TRAPPC14: variants seen among roughly 807,000 people sequenced by gnomAD.
TRAPPC14 encodes the protein trafficking protein particle complex subunit 14, also known as microtubule associated protein 11.
TRAPPC14 carries 24 observed loss-of-function variants against 56.6 expected under a neutral mutation model. That is an observed-to-expected ratio of 0.42 (90% CI 0.31 to 0.60). The LOEUF (loss-of-function observed/expected upper bound fraction) is 0.60, where lower values mean the gene tolerates loss of function less well. Among genes scored for constraint, TRAPPC14 ranks in the 20% least tolerant of loss-of-function variants. TRAPPC14 has a pLI of 0.14. For synonymous variants in TRAPPC14, 377 were observed against 347.0 expected, an observed-to-expected ratio of 1.09 and a Z score of -0.96; for missense variants, 615 against 790.3, an observed-to-expected ratio of 0.78 and a Z score of 2.66.
chr7:100,156,135 A>G (rs1002225274), intron 8 of TRAPPC14: 2 of 617,664 alleles, frequency 3.2e-6, no homozygotes, highest in Non-Finnish European at 5.8e-6. Context: ...GGAGAGAAGT[A>G]GAGTTCACAC....
chr7:100,155,755 G>C lies in TRAPPC14; in HGVS notation c.1311C>G (p.Pro437=). The C allele has an allele frequency of 6.2e-7, 1 of 1,614,210 alleles. No homozygotes were observed. Among genetic ancestry groups the C allele is most frequent in the South Asian group, 1.1e-5 (1 of 91,090 alleles). ...TCCGGGAAAAGCCAAGGTTGTTGAG[G>C]GGCGTGTGGCAGACGACGGAGTCCA... ...AALDSVVCHT[P]LNNLGFSRKG... is the part of the protein sequence containing the mutation. The change falls in exon 9 of 11, where the codon CCC becomes CCG. Residue 437 remains proline, a synonymous_variant. Coordinates refer to ENST00000316937, the MANE Select transcript of TRAPPC14 (RefSeq NM_018275.5).
Position 100,157,730 on chromosome 7 carries a change from C to T in TRAPPC14, c.540G>A (p.Glu180=). Residue 180 remains glutamate (E), a synonymous_variant, in exon 3 of 11, where the codon GAG becomes GAA. Transcript: ENST00000316937. ...AGCCTTGATCTCTGACCTCTGGTGC[C>T]TCAATCTCCCGCTTCCACACAGTCA... ...IVVTVWKREI[E]APEVRDQGYL... The T allele has an allele frequency of 2.5e-6, 4 of 1,614,242 alleles. No homozygotes were observed. Among genetic ancestry groups the T allele is most frequent in the Non-Finnish European group, 3.4e-6 (4 of 1,180,044 alleles).
Position 100,156,493 on chromosome 7 carries a change from G to A in TRAPPC14, c.1133C>T (p.Ser378Phe), listed in dbSNP as rs775442634. 6.2e-7 allele frequency: 1 copy of A among 1,614,166 alleles called. No individual in the cohort carries two copies. Among genetic ancestry groups the A allele is most frequent in the African/African-American group, 1.3e-5 (1 of 75,038 alleles). Residue 378 changes from serine (S) to phenylalanine (F), a missense_variant, in exon 8 of 11, where the codon TCC (serine) becomes TTC (phenylalanine). Physicochemically the swap from Ser to Phe is radical, Grantham distance 155 (BLOSUM62 -2). Transcript: ENST00000316937. Reference sequence around the variant, plus strand: ...GAAACGCTCGTAGGTCCGAACAGGGGACTTACAAGAAGCGGTCATCACAAA... The same window carrying A: ...GAAACGCTCGTAGGTCCGAACAGGGAACTTACAAGAAGCGGTCATCACAAA... ...PCFVMTASCK[S>F]PVRTYERFTV...
Position 100,155,034 on chromosome 7 carries a change from G to A in TRAPPC14, c.1720C>T (p.Leu574=). Residue 574 remains leucine (L), a synonymous_variant, in exon 11 of 11, where the codon CTG becomes TTG. Transcript: ENST00000316937. ...DKIAKRECKV[L]VVEPVK is the part of the protein sequence containing the mutation. Reference sequence around the variant, plus strand: ...TGCTACTTGACGGGTTCCACCACCAGGACCTTGCACTCGCGCTTGGCAATC... The same window carrying A: ...TGCTACTTGACGGGTTCCACCACCAAGACCTTGCACTCGCGCTTGGCAATC... The A allele has an allele frequency of 6.2e-7, 1 of 1,614,152 alleles. No homozygotes were observed. The highest frequency in any genetic ancestry group is 1.1e-5 in the South Asian group (1 of 91,084).
rs773309693 is a variant in TRAPPC14, at chr7:100,155,701, G to C, written c.1365C>G (p.Ala455=). Residue 455 remains alanine (A), a synonymous_variant, in exon 9 of 11, where the codon GCC becomes GCG. Transcript: ENST00000316937. ...RKGSALTFSV[A]FQALRTGLFE... ...AGAGCCCCGTCCTCAGAGCCTGGAA[G>C]GCCACACTGAAGGTGAGCGCGCTGC... 14 of 1,612,214 alleles carry C rather than the reference G, an allele frequency of 8.7e-6. No homozygotes were observed. The South Asian group carries it at 1.2e-4, about 14-fold the overall frequency.
At chr7:100,155,212 G>C (rs752787092) in intron 10 of TRAPPC14, 48 bp from the exon 11 acceptor site, 3 of 1,604,000 alleles carry the variant, frequency 1.9e-6, no homozygotes, top group Non-Finnish European at 2.6e-6. Context: ...CGGCACCCTC[G>C]CTGCTCCCAT....
intron 5 of TRAPPC14, 24 bp downstream of exon 5, chr7:100,157,070 G>C (rs753827036): frequency 6.2e-7 from 1 of 1,613,962 alleles, no homozygotes; most frequent in Admixed American, 1.7e-5. Flanking sequence ...CCACTTCACA[G>C]CCTCGCCCCT....
intron 3 of TRAPPC14, 80 bp downstream of exon 3, chr7:100,157,553 G>A (rs1798909309): frequency 6.2e-7 from 1 of 1,605,826 alleles, no homozygotes; most frequent in African/African-American, 1.3e-5. Context: ...GAGCCCATTA[G>A]CCACTTTCCA....
In TRAPPC14 at chr7:100,156,772, G is replaced by A; in HGVS notation, c.994-56C>T. The A allele has an allele frequency of 1.2e-6, 2 of 1,601,148 alleles. 1 individual carries two copies. The highest frequency in any genetic ancestry group is 1.7e-6 in the Non-Finnish European group (2 of 1,171,934). Reference sequence around the variant, plus strand: ...GTATTAAGAGTGCCCCTCCCATCTTGAGTCAGCTGCCTGGTCTTTCCCTCC... The same window carrying A: ...GTATTAAGAGTGCCCCTCCCATCTTAAGTCAGCTGCCTGGTCTTTCCCTCC... On this transcript the variant is annotated intron_variant, in intron 6 of 10. Coordinates refer to ENST00000316937, the MANE Select transcript of TRAPPC14 (RefSeq NM_018275.5).
chr7:100,155,582 A>G (rs1293960372), intron 9 of TRAPPC14, 89 bp downstream of exon 9: 1 of 1,512,356 alleles, frequency 6.6e-7, no homozygotes, highest in African/African-American at 1.4e-5. Flanking sequence ...CCAGCTTTTT[A>G]TTTCATCCCC....
chr7:100,157,372 C>G lies in TRAPPC14; in HGVS notation c.724+1G>C, dbSNP rs1171539063. 6 of 1,613,986 alleles carry G rather than the reference C, an allele frequency of 3.7e-6. No homozygotes were observed. Among genetic ancestry groups the G allele is most frequent in the African/African-American group, 1.3e-5 (1 of 74,944 alleles). On this transcript the variant is annotated splice_donor_variant, in intron 4 of 10. Coordinates refer to ENST00000316937, the MANE Select transcript of TRAPPC14 (RefSeq NM_018275.5). LOFTEE classifies it high-confidence loss of function. Reference sequence around the variant, plus strand: ...AGGCTGGAGCCGGCAGCCCTGCTTACCCTTGAGCACGGTCAAGTGTTTTCC... The same window carrying G: ...AGGCTGGAGCCGGCAGCCCTGCTTAGCCTTGAGCACGGTCAAGTGTTTTCC...
Position 100,155,721 on chromosome 7 carries a change from C to T in TRAPPC14, c.1345G>A (p.Ala449Thr), listed in dbSNP as rs759914578. 33 of 1,613,856 alleles carry T rather than the reference C, an allele frequency of 2.0e-5. No homozygotes were observed. Among genetic ancestry groups the T allele is most frequent in the South Asian group, 3.3e-5 (3 of 91,070 alleles). ...TGGAAGGCCACACTGAAGGTGAGCGCGCTGCCCTTCCGGGAAAAGCCAAGG... is the reference window on the plus strand; with the variant it reads ...TGGAAGGCCACACTGAAGGTGAGCGTGCTGCCCTTCCGGGAAAAGCCAAGG... ...NNLGFSRKGS[A>T]LTFSVAFQAL... Residue 449 changes from alanine (A) to threonine (T), a missense_variant, in exon 9 of 11, where the codon GCG (alanine) becomes ACG (threonine). Ala to Thr is a moderately conservative substitution (Grantham distance 58, BLOSUM62 0). Coordinates refer to ENST00000316937, the MANE Select transcript of TRAPPC14 (RefSeq NM_018275.5).
At chr7:100,155,938 A>T (rs761429802) in intron 8 of TRAPPC14, 113 bp from the exon 9 acceptor site, 1 of 1,348,836 alleles carries the variant, frequency 7.4e-7, no homozygotes, top group Non-Finnish European at 1.1e-6. Context: ...TAAACTGAGC[A>T]AACGTTATCT....
chr7:100,155,280 G>A lies in TRAPPC14; in HGVS notation c.1571C>T (p.Ser524Phe). 1.3e-6 allele frequency: 2 copies of A among 1,565,390 alleles called. No homozygotes were observed. Among genetic ancestry groups the A allele is most frequent in the Non-Finnish European group, 1.7e-6 (2 of 1,155,608 alleles). ...RSQSFSHQQP[S>F]RSHLMRSGSV... is the part of the protein sequence containing the mutation. ...TCTGTACCTCATGAGGTGGCTTCGG[G>A]AAGGCTGCTGGTGGGAGAAGGACTG... The change falls in exon 10 of 11, where the codon TCC (serine) becomes TTC (phenylalanine). Residue 524 changes from serine to phenylalanine, a missense_variant. Physicochemically the swap from Ser to Phe is radical, Grantham distance 155 (BLOSUM62 -2). Transcript: ENST00000316937.
intron 4 of TRAPPC14, 29 bp downstream of exon 4, chr7:100,157,344 C>T (rs747775354): frequency 1.1e-5 from 17 of 1,613,318 alleles, no homozygotes; most frequent in Non-Finnish European, 1.4e-5. Flanking sequence ...TTGTTGCTCC[C>T]GGAGGCTGGA....
chr7:100,157,433 G>T lies in TRAPPC14; in HGVS notation c.664C>A (p.Pro222Thr). The change falls in exon 4 of 11, where the codon CCT becomes ACT. Residue 222 changes from proline to threonine, a missense_variant. Coordinates refer to ENST00000316937, the MANE Select transcript of TRAPPC14 (RefSeq NM_018275.5). ...AACTGCCGGCATCTCAGAACCGGAG[G>T]GGGCAGCAGAGTCAGCAGCGTGCTC... is the stretch of plus-strand genomic sequence containing the variant. ...QVSTLLTLLPPPVLRCRQFTV... is the reference protein window; with the variant it reads ...QVSTLLTLLPTPVLRCRQFTV... The T allele has an allele frequency of 6.2e-7, 1 of 1,613,766 alleles. No individual in the cohort carries two copies. The highest frequency in any genetic ancestry group is 8.5e-7 in the Non-Finnish European group (1 of 1,180,024).
In TRAPPC14 at chr7:100,157,663, G is replaced by A. The variant is rs1483263806; in HGVS notation, c.607C>T (p.Arg203Trp). ...GCCTTGAAAGCGCTCTGCTCGCCCC[G>A]GAATGTCTCCCCAGGAGATCGGGTC... ...LQTRSPGETF[R>W]GEQSAFKAQV... The change falls in exon 3 of 11, where the codon CGG becomes TGG. Residue 203 changes from arginine to tryptophan, a missense_variant. Arg to Trp is a moderately radical substitution (Grantham distance 101). Transcript: ENST00000316937. 1.2e-5 allele frequency: 19 copies of A among 1,614,184 alleles called. No homozygotes were observed. Among genetic ancestry groups the A allele is most frequent in the Non-Finnish European group, 1.5e-5 (18 of 1,180,038 alleles).
chr7:100,157,667 T>C lies in TRAPPC14; in HGVS notation c.603A>G (p.Thr201=), dbSNP rs1798912209. 1.2e-6 allele frequency: 2 copies of C among 1,614,252 alleles called. No homozygotes were observed. Among genetic ancestry groups the C allele is most frequent in the East Asian group, 2.2e-5 (1 of 44,888 alleles). Residue 201 remains threonine, a synonymous_variant, in exon 3 of 11, where the codon ACA becomes ACG. Coordinates refer to ENST00000316937, the MANE Select transcript of TRAPPC14 (RefSeq NM_018275.5). ...TGAAAGCGCTCTGCTCGCCCCGGAA[T>C]GTCTCCCCAGGAGATCGGGTCTGCA... ...RLLQTRSPGE[T]FRGEQSAFKA...
Position 100,157,474 on chromosome 7 carries a change from G to A in TRAPPC14, c.638-15C>T, listed in dbSNP as rs76779291. ...CAGCGTGCTCACTGCGGGAGGGGGT[G>A]GGGGCAAGAAGTGATGGTCTGGAGG... On this transcript the variant is annotated splice_polypyrimidine_tract_variant and intron_variant, in intron 3 of 10. Transcript: ENST00000316937. 3 of 1,610,318 alleles carry A rather than the reference G, an allele frequency of 1.9e-6. No individual in the cohort carries two copies. The East Asian group carries it at 6.7e-5, about 36-fold the overall frequency.
Sources: allele counts gnomAD v4.1 joint callset, GRCh38; gene constraint gnomAD v4.1.1; transcripts MANE v1.5; gene names NCBI Gene and HGNC (gene_info 2026-07-23, HGNC 2026-07-21).